Variants in SUGCT observed in about 807,000 individuals in gnomAD.
The protein encoded by SUGCT is succinyl-CoA:glutarate CoA-transferase.
Under a neutral mutation model 55.0 loss-of-function variants are expected in SUGCT, and 41 were observed. That is an observed-to-expected ratio of 0.74 (90% CI 0.58 to 0.97). SUGCT has a LOEUF of 0.97. SUGCT is among the 50% of genes least tolerant of loss of function. SUGCT has a pLI of 0.00. For missense variants in SUGCT, 568 were observed against 547.8 expected, an observed-to-expected ratio of 1.04 and a Z score of -0.37; for synonymous variants, 187 against 200.4, an observed-to-expected ratio of 0.93 and a Z score of 0.56.
intron 13 of SUGCT, among the ~76,000 whole-genome samples, chr7:40,806,194 A>T (rs1791080914): frequency 6.6e-6 from 1 of 152,060 alleles, no homozygotes; most frequent in African/African-American, 2.4e-5. Flanking sequence ...CGATGTCTAA[A>T]CTCTGTAACG....
intron 9 of SUGCT, among the ~76,000 whole-genome samples, chr7:40,402,686 T>C (rs1314056257): frequency 6.6e-6 from 1 of 152,196 alleles, no homozygotes; most frequent in Non-Finnish European, 1.5e-5. Context: ...GTATGTATTT[T>C]AATAAGAGCT....
intron 12 of SUGCT, among the ~76,000 whole-genome samples, chr7:40,605,832 C>T (rs1019843365): frequency 6.6e-5 from 10 of 152,166 alleles, no homozygotes; most frequent in Admixed American, 2.0e-4. Context: ...CAAGTTTGGG[C>T]GTGGCAGATA....
chr7:40,650,103 A>G (rs1800702881), intron 12 of SUGCT, among the ~76,000 whole-genome samples: 2 of 152,152 alleles, frequency 1.3e-5, no homozygotes, highest in African/African-American at 4.8e-5. Context: ...ATGTTGGACT[A>G]AGGGCCTCAG....
the SUGCT span, among the ~76,000 whole-genome samples, chr7:40,926,650 A>G: frequency 6.6e-6 from 1 of 152,130 alleles, no homozygotes. Context: ...AAGAGACACC[A>G]GAAAACTTTC....
At chr7:40,320,537 G>A (rs1305741235) in intron 9 of SUGCT, among the ~76,000 whole-genome samples, 1 of 152,174 alleles carries the variant, frequency 6.6e-6, no homozygotes, top group Non-Finnish European at 1.5e-5. Context: ...ATGTAACATA[G>A]TTGTCAGTGG....
intron 13 of SUGCT, among the ~76,000 whole-genome samples, chr7:40,781,173 G>T (rs1789724965): frequency 6.6e-6 from 1 of 152,070 alleles, no homozygotes; most frequent in African/African-American, 2.4e-5. Flanking sequence ...TAATGTATCA[G>T]TGTTGTTTAT....
In SUGCT at chr7:40,642,548, A is replaced by G. The variant is rs184965380; in HGVS notation, c.1090-106886A>G. On this transcript the variant is annotated intron_variant, in intron 12 of 13. Coordinates refer to ENST00000335693, the MANE Select transcript of SUGCT (RefSeq NM_001193313.2). ...AGAACCTTAAGTAGAAGGCTGCACT[A>G]TATTTACTGGTCCCTGTCCTAAGTT... is the stretch of plus-strand genomic sequence containing the variant. 5.3e-5 allele frequency among the ~76,000 whole-genome samples: 8 copies of G among 152,278 alleles called. No individual in the cohort carries two copies. The East Asian group carries it at 7.7e-4, about 15-fold the overall frequency.
At chr7:40,224,846 C>T (rs1788236302) in intron 6 of SUGCT, among the ~76,000 whole-genome samples, 1 of 152,164 alleles carries the variant, frequency 6.6e-6, no homozygotes, top group African/African-American at 2.4e-5. Flanking sequence ...AATTGTGACT[C>T]TGCCTTTTGT....
At chr7:40,854,478 CTTTCTCTCTT>C (rs1563050973) in intron 13 of SUGCT, among the ~76,000 whole-genome samples, 4 of 79,422 alleles carry the variant, frequency 5.0e-5, no homozygotes, top group Non-Finnish European at 8.1e-5. Flanking sequence ...CTTTCTTTCT[CTTTCTCTCTT>C]TCTTTCTTTC....
the SUGCT span, among the ~76,000 whole-genome samples, chr7:40,940,476 G>A: frequency 1.3e-5 from 2 of 152,104 alleles, no homozygotes; most frequent in South Asian, 4.1e-4. Flanking sequence ...TGGTCAGTAT[G>A]GTTATTTTCA....
At chr7:40,889,112 T>C in the SUGCT span, among the ~76,000 whole-genome samples, 1 of 152,168 alleles carries the variant, frequency 6.6e-6, no homozygotes, top group Non-Finnish European at 1.5e-5. Flanking sequence ...AGAAGGCTGG[T>C]CCAGGAGTTA....
the SUGCT span, among the ~76,000 whole-genome samples, chr7:40,914,272 C>CTTT: frequency 2.9e-5 from 4 of 139,208 alleles, no homozygotes. Flanking sequence ...TTATTTTTTT[C>CTTT]TTTTTCTTTT....
chr7:40,686,245 A>G (rs1289032363), intron 12 of SUGCT, among the ~76,000 whole-genome samples: 1 of 152,172 alleles, frequency 6.6e-6, no homozygotes, highest in South Asian at 2.1e-4. Context: ...GATAAAAACC[A>G]AAAGACTGTG....
At chr7:40,274,429 A>C (rs1201784404) in intron 7 of SUGCT, 84 bp from the exon 8 acceptor site, 2 of 1,435,318 alleles carry the variant, frequency 1.4e-6, no homozygotes. Context: ...TCTTTTTTCT[A>C]TTTCACATTA....
At chr7:40,978,449 A>C in the SUGCT span, among the ~76,000 whole-genome samples, 9 of 152,186 alleles carry the variant, frequency 5.9e-5, no homozygotes, top group Non-Finnish European at 1.2e-4. Flanking sequence ...AGGCATGTGT[A>C]AGATGCTGGG....
At chr7:40,738,196 TAAAAAA>T (rs71714222) in intron 12 of SUGCT, among the ~76,000 whole-genome samples, 1,217 of 111,032 alleles carry the variant, frequency 0.011, 17 homozygotes, top group African/African-American at 0.037. Flanking sequence ...GACTCCATCT[TAAAAAA>T]AAAAAAAAAA....
intron 11 of SUGCT, among the ~76,000 whole-genome samples, chr7:40,487,682 A>T (rs1791458015): frequency 6.6e-6 from 1 of 152,048 alleles, no homozygotes; most frequent in Non-Finnish European, 1.5e-5. Context: ...TTATGTATTT[A>T]GGTGTTCTGA....
chr7:40,794,135 C>G (rs1790444434), intron 13 of SUGCT, among the ~76,000 whole-genome samples: 1 of 151,988 alleles, frequency 6.6e-6, no homozygotes, highest in Non-Finnish European at 1.5e-5. Flanking sequence ...TTTGCTTTCT[C>G]TAGTTCATGG....
chr7:40,544,212 T>C (rs1196509786), intron 12 of SUGCT, among the ~76,000 whole-genome samples: 1 of 151,728 alleles, frequency 6.6e-6, no homozygotes. Context: ...TGCATTTTCT[T>C]AATTTGTAGA....
Sources: allele counts gnomAD v4.1 joint callset (sites outside exome capture counted in the v4.1 genomes callset), GRCh38; gene constraint gnomAD v4.1.1; transcripts MANE v1.5; gene names NCBI Gene and HGNC (gene_info 2026-07-23, HGNC 2026-07-21).